Variants in SYT17 observed in about 807,000 individuals in gnomAD.
SYT17 encodes the protein synaptotagmin 17.
A neutral mutation model predicts 46.7 loss-of-function variants in SYT17; 22 were observed. The ratio of observed to expected loss-of-function variants is 0.47; its 90% CI spans 0.34 to 0.67. The LOEUF (loss-of-function observed/expected upper bound fraction) is 0.67. Ranked by LOEUF, SYT17 falls within the 30% of genes least tolerant of loss-of-function variation. The probability of loss-of-function intolerance (pLI) is 0.01; values close to 1 mark genes in which losing one functional copy is unlikely to be tolerated. For missense variants in SYT17, 519 were observed against 612.8 expected (o/e 0.85, Z 1.62); for synonymous variants, 251 against 248.4 (o/e 1.01, Z -0.10).
intron 3 of SYT17, among the ~76,000 whole-genome samples, chr16:19,176,611 G>A (rs746267088): frequency 6.6e-6 from 1 of 152,156 alleles, no homozygotes; most frequent in East Asian, 1.9e-4. Context: ...TGGCTTTGTA[G>A]TTTGCAGACC....
At chr16:19,175,051 C>T (rs536451993) in intron 3 of SYT17, among the ~76,000 whole-genome samples, 154 of 151,374 alleles carry the variant, frequency 1.0e-3, no homozygotes, top group African/African-American at 3.6e-3. Flanking sequence ...ATCGCTTGAG[C>T]CTAGGAGGTT....
chr16:19,209,465 GA>G (rs1965806315), intron 5 of SYT17, among the ~76,000 whole-genome samples: 1 of 152,178 alleles, frequency 6.6e-6, no homozygotes, highest in African/African-American at 2.4e-5. Context: ...ATACCCATCA[GA>G]TGAGACTAAT....
At chr16:19,221,097 T>C (rs1250114197) in intron 5 of SYT17, among the ~76,000 whole-genome samples, 2 of 148,670 alleles carry the variant, frequency 1.3e-5, no homozygotes, top group African/African-American at 5.0e-5. Flanking sequence ...GTTAAGGTAG[T>C]AGGATCCCTT....
intron 5 of SYT17, among the ~76,000 whole-genome samples, chr16:19,190,923 G>T (rs1354374431): frequency 6.6e-6 from 1 of 152,034 alleles, no homozygotes; most frequent in Non-Finnish European, 1.5e-5. Context: ...GAACATGGGT[G>T]TGCAGATGGC....
intron 5 of SYT17, among the ~76,000 whole-genome samples, chr16:19,193,274 G>C (rs1401960868): frequency 6.6e-6 from 1 of 152,174 alleles, no homozygotes; most frequent in Non-Finnish European, 1.5e-5. Context: ...AGTGCTCTTA[G>C]GCATTCATGT....
intron 5 of SYT17, among the ~76,000 whole-genome samples, chr16:19,216,251 G>A (rs911290760): frequency 1.3e-5 from 2 of 152,004 alleles, no homozygotes; most frequent in African/African-American, 4.8e-5. Context: ...ACTTATCAAG[G>A]CTTAACTCAA....
At chr16:19,244,456 C>T (rs1967378399) in intron 7 of SYT17, among the ~76,000 whole-genome samples, 1 of 152,206 alleles carries the variant, frequency 6.6e-6, no homozygotes, top group African/African-American at 2.4e-5. Flanking sequence ...GCCTCTGTGT[C>T]CTGAGTAGCT....
At position 19,183,403 on chromosome 16, in the gene SYT17, G is replaced by A. The variant is rs1964633241; in HGVS notation, c.332-125G>A. On this transcript the variant is annotated intron_variant, in intron 4 of 7. Transcript: ENST00000355377. The surrounding 1 kb of genome is among the most constrained non-coding windows in gnomAD (Gnocchi z 5.6). ...ACAGAATCAGTGAGTATTTCAGAGT[G>A]TGGAGAAAGATGGCAAAGGTCATTC... 2.3e-6 allele frequency: 3 copies of A among 1,325,722 alleles called. No homozygotes were observed. The African/African-American group carries it at 4.4e-5, about 19-fold the overall frequency. 82.1% of individuals were successfully genotyped at this position (1,325,722 alleles called of 1,614,324 possible).
chr16:19,186,321 T>TAA lies in SYT17; in HGVS notation c.951+2186_951+2187dup, dbSNP rs11455666. 7.5e-4 allele frequency among the ~76,000 whole-genome samples: 110 copies of TAA among 145,804 alleles called. 1 individual carries two copies. The highest frequency in any genetic ancestry group is 3.8e-3 in the South Asian group (17 of 4,526). ...GTGACACCCTATTTCTACAAAACAT[T>TAA]AAAAAAAAAAAAATTAGCCAGGCAT... On this transcript the variant is annotated intron_variant, in intron 5 of 7. Coordinates refer to ENST00000355377, the MANE Select transcript of SYT17 (RefSeq NM_016524.4).
In SYT17 at chr16:19,183,880, C is replaced by G; in HGVS notation, c.684C>G (p.Asn228Lys). 6.2e-7 allele frequency: 1 copy of G among 1,614,210 alleles called. No homozygotes were observed. The highest frequency in any genetic ancestry group is 1.3e-5 in the African/African-American group (1 of 75,060). Reference protein sequence around the residue: ...DGSRQDMAHSNPYVKICLLPD... With the variant: ...DGSRQDMAHSKPYVKICLLPD... ...CGCGCCAGGACATGGCGCACTCCAA[C>G]CCCTACGTCAAGATCTGTCTCCTGC... Residue 228 changes from asparagine to lysine, a missense_variant, in exon 5 of 8, where the codon AAC becomes AAG. Asn to Lys is a moderately conservative substitution (Grantham distance 94). Transcript: ENST00000355377. The surrounding 1 kb of genome is among the most constrained non-coding windows in gnomAD (Gnocchi z 5.6).
chr16:19,172,962 C>A, intron 2 of SYT17, 185 bp downstream of exon 2: 1 of 694,586 alleles, frequency 1.4e-6, no homozygotes, highest in Non-Finnish European at 2.4e-6. Flanking sequence ...CACCAGTTGA[C>A]AAGACAAGTT....
At chr16:19,223,576 A>T (rs966429127) in intron 6 of SYT17, among the ~76,000 whole-genome samples, 2 of 152,210 alleles carry the variant, frequency 1.3e-5, no homozygotes, top group African/African-American at 4.8e-5. Context: ...TAAAGTGTGT[A>T]TATTATAGCA....
chr16:19,210,968 T>C (rs1965876611), intron 5 of SYT17, among the ~76,000 whole-genome samples: 1 of 152,194 alleles, frequency 6.6e-6, no homozygotes, highest in African/African-American at 2.4e-5. Context: ...TTTTCTTTGA[T>C]TTCCTTTTTA....
chr16:19,210,069 TTA>T (rs1194987319), intron 5 of SYT17, among the ~76,000 whole-genome samples: 1 of 131,930 alleles, frequency 7.6e-6, no homozygotes, highest in Non-Finnish European at 1.7e-5. Context: ...TTTAGTTTTA[TTA>T]TATTTTATTA....
intron 7 of SYT17, among the ~76,000 whole-genome samples, chr16:19,252,222 G>GC (rs1208469356): frequency 6.7e-6 from 1 of 149,944 alleles, no homozygotes; most frequent in East Asian, 2.0e-4. Flanking sequence ...TCAAGAAACT[G>GC]CCCCACATTG....
intron 7 of SYT17, among the ~76,000 whole-genome samples, chr16:19,245,576 A>C (rs1319584067): frequency 6.6e-6 from 1 of 152,166 alleles, no homozygotes; most frequent in Non-Finnish European, 1.5e-5. Flanking sequence ...CATCATTCCC[A>C]GTGGCTTCTC....
Position 19,267,084 on chromosome 16 carries a change from A to G in SYT17, c.*8A>G. The G allele has an allele frequency of 6.5e-7, 1 of 1,544,004 alleles. No individual in the cohort carries two copies. Among genetic ancestry groups the G allele is most frequent in the Non-Finnish European group, 8.7e-7 (1 of 1,148,562 alleles). On this transcript the variant is annotated 3_prime_UTR_variant, in exon 8 of 8. Coordinates refer to ENST00000355377, the MANE Select transcript of SYT17 (RefSeq NM_016524.4). ...TCCCTGGAGGTGACCTGAGGGCTGC[A>G]GGGAAGGCAGCTTTCATTTGTTTAA...
intron 5 of SYT17, among the ~76,000 whole-genome samples, chr16:19,204,639 C>T (rs1159797321): frequency 6.6e-6 from 1 of 152,032 alleles, no homozygotes; most frequent in Non-Finnish European, 1.5e-5. Flanking sequence ...CATCTGATGC[C>T]GTGGCTTGAA....
chr16:19,255,914 C>T lies in SYT17; in HGVS notation c.1229-10966C>T, dbSNP rs1364918832. Among the ~76,000 whole-genome samples the T allele has an allele frequency of 2.0e-5, 3 of 152,270 alleles. No individual in the cohort carries two copies. The East Asian group carries it at 5.8e-4, about 29-fold the overall frequency. On this transcript the variant is annotated intron_variant, in intron 7 of 7. Coordinates refer to ENST00000355377, the MANE Select transcript of SYT17 (RefSeq NM_016524.4). ...AGGAGTCCAGGCATCAAGGAGCCCA[C>T]ATCTTCCTTGCTAGATCATCTCCAC...
Sources: allele counts gnomAD v4.1 joint callset (sites outside exome capture counted in the v4.1 genomes callset), GRCh38; gene constraint gnomAD v4.1.1; non-coding constraint Gnocchi (gnomAD v3.1); transcripts MANE v1.5; gene names NCBI Gene and HGNC (gene_info 2026-07-23, HGNC 2026-07-21).